MCC: variants seen among roughly 807,000 people sequenced by gnomAD.
The protein encoded by MCC is MCC regulator of Wnt signaling pathway, also known as colorectal mutant cancer protein.
Under a neutral mutation model 116.2 loss-of-function variants are expected in MCC, and 90 were observed. The ratio of observed to expected loss-of-function variants is 0.77; its 90% CI spans 0.65 to 0.92. The LOEUF is 0.92. Ranked by LOEUF, MCC falls within the 40% of genes least tolerant of loss-of-function variation. MCC has a pLI of 0.00. For missense variants in MCC, 1,516 were observed against 1,312.2 expected (o/e 1.16, Z -2.40); for synonymous variants, 578 against 510.5 (o/e 1.13, Z -1.78).
rs189530794 is a variant in MCC at position 113,455,021 on chromosome 5, C to A, written c.170+33224G>T. Among the ~76,000 whole-genome samples, 3 of 152,266 alleles carry A rather than the reference C, an allele frequency of 2.0e-5. No individual in the cohort carries two copies. The East Asian group carries it at 5.8e-4, about 29-fold the overall frequency. On this transcript the variant is annotated intron_variant, in intron 1 of 18. Transcript: ENST00000408903. Reference sequence around the variant, plus strand: ...GGCTCCAGGGTAAAATCCAAGCTCTCCCCCAGGACACACCAAGCATTTTAT... The same window carrying A: ...GGCTCCAGGGTAAAATCCAAGCTCTACCCCAGGACACACCAAGCATTTTAT...
At chr5:113,069,608 G>A (rs1753886523) in intron 12 of MCC, among the ~76,000 whole-genome samples, 1 of 152,058 alleles carries the variant, frequency 6.6e-6, no homozygotes, top group Non-Finnish European at 1.5e-5. Context: ...TCGCTCTGTC[G>A]CCCAGGCTGG....
chr5:113,095,835 G>C (rs779698093), intron 8 of MCC, among the ~76,000 whole-genome samples: 34 of 152,098 alleles, frequency 2.2e-4, no homozygotes, highest in Non-Finnish European at 4.4e-5. Context: ...AGTTCAGTCT[G>C]CAAATATTCA....
chr5:113,140,602 G>C (rs1258514086), intron 5 of MCC, among the ~76,000 whole-genome samples: 1 of 152,190 alleles, frequency 6.6e-6, no homozygotes, highest in Non-Finnish European at 1.5e-5. Flanking sequence ...TGTGACCTGA[G>C]ATAGAAAACT....
chr5:113,382,432 G>A (rs563899360), intron 2 of MCC, among the ~76,000 whole-genome samples: 3 of 151,930 alleles, frequency 2.0e-5, no homozygotes, highest in Non-Finnish European at 4.4e-5. Flanking sequence ...CACTGCACCT[G>A]GCTAACTTTT....
chr5:113,305,326 A>T (rs188670872), intron 3 of MCC, among the ~76,000 whole-genome samples: 2 of 152,274 alleles, frequency 1.3e-5, no homozygotes, highest in Admixed American at 1.3e-4. Flanking sequence ...AATCCTTTCA[A>T]ATTGGCATCT....
At chr5:113,363,813 T>A (rs1768609494) in intron 2 of MCC, among the ~76,000 whole-genome samples, 1 of 152,220 alleles carries the variant, frequency 6.6e-6, no homozygotes, top group Non-Finnish European at 1.5e-5. Flanking sequence ...AAATCTCATC[T>A]GTGACAAGAC....
intron 2 of MCC, among the ~76,000 whole-genome samples, chr5:113,358,441 T>A (rs996039830): frequency 6.6e-6 from 1 of 152,184 alleles, no homozygotes; most frequent in African/African-American, 2.4e-5. Context: ...TTCTTTTCCA[T>A]CCTTCATTTG....
chr5:113,350,476 A>C (rs1768241706), intron 2 of MCC, among the ~76,000 whole-genome samples: 1 of 152,130 alleles, frequency 6.6e-6, no homozygotes, highest in African/African-American at 2.4e-5. Context: ...TGTTGGGAAA[A>C]CTGGTATCTT....
At chr5:113,167,387 C>A (rs17135370) in intron 3 of MCC, among the ~76,000 whole-genome samples, 5,014 of 152,274 alleles carry the variant, frequency 0.033, 96 homozygotes, top group East Asian at 0.06. Flanking sequence ...GGCATTTACA[C>A]ACCTGCAGGG....
At chr5:113,441,651 C>T (rs778385558) in intron 1 of MCC, among the ~76,000 whole-genome samples, 6 of 152,196 alleles carry the variant, frequency 3.9e-5, no homozygotes, top group Non-Finnish European at 7.3e-5. Flanking sequence ...ATCCCCTCCT[C>T]TAACCCCCTA....
intron 5 of MCC, among the ~76,000 whole-genome samples, chr5:113,136,002 G>A (rs534367660): frequency 3.3e-5 from 5 of 152,154 alleles, no homozygotes; most frequent in South Asian, 2.1e-4. Flanking sequence ...CCCAGATTGC[G>A]CCACTGCACT....
At chr5:113,135,702 C>T (rs898392890) in intron 5 of MCC, among the ~76,000 whole-genome samples, 6 of 151,990 alleles carry the variant, frequency 3.9e-5, no homozygotes, top group Non-Finnish European at 8.8e-5. Context: ...GATACGTAAC[C>T]TACCTACTAA....
chr5:113,176,869 C>T (rs1054679729), intron 3 of MCC, among the ~76,000 whole-genome samples: 3 of 152,140 alleles, frequency 2.0e-5, no homozygotes, highest in Admixed American at 2.0e-4. Flanking sequence ...ACCATTCTAG[C>T]TCAGGGTCCA....
chr5:113,160,331 A>G (rs1760414500), intron 3 of MCC, among the ~76,000 whole-genome samples: 1 of 152,232 alleles, frequency 6.6e-6, no homozygotes, highest in African/African-American at 2.4e-5. Flanking sequence ...ATCTGTAAAC[A>G]TATGCTCCCC....
chr5:113,187,696 A>G (rs1172757479), intron 3 of MCC, among the ~76,000 whole-genome samples: 2 of 150,782 alleles, frequency 1.3e-5, no homozygotes, highest in Non-Finnish European at 2.9e-5. Flanking sequence ...CGGAGCTTGC[A>G]GTGAGCCCAG....
At chr5:113,313,293 G>T (rs1207308394) in intron 3 of MCC, among the ~76,000 whole-genome samples, 1 of 152,158 alleles carries the variant, frequency 6.6e-6, no homozygotes, top group Non-Finnish European at 1.5e-5. Context: ...GTTGCAGTGA[G>T]CCAAGATGGC....
intron 8 of MCC, among the ~76,000 whole-genome samples, chr5:113,093,793 G>A (rs1340890687): frequency 6.6e-6 from 1 of 152,100 alleles, no homozygotes; most frequent in Non-Finnish European, 1.5e-5. Context: ...AAGGCAAGGT[G>A]GCACCAGAGT....
intron 1 of MCC, among the ~76,000 whole-genome samples, chr5:113,482,510 T>C (rs1283813981): frequency 6.6e-6 from 1 of 152,238 alleles, no homozygotes; most frequent in Non-Finnish European, 1.5e-5. Context: ...TAGTGGCTAA[T>C]GATGTTGAGC....
chr5:113,415,526 A>G (rs767106380), intron 1 of MCC, among the ~76,000 whole-genome samples: 12 of 152,104 alleles, frequency 7.9e-5, no homozygotes, highest in Non-Finnish European at 5.9e-5. Context: ...TTGATCTTCA[A>G]TCACTGATAC....
Sources: allele counts gnomAD v4.1 joint callset (sites outside exome capture counted in the v4.1 genomes callset), GRCh38; gene constraint gnomAD v4.1.1; transcripts MANE v1.5; gene names NCBI Gene and HGNC (gene_info 2026-07-23, HGNC 2026-07-21).